RFX8: variants seen among roughly 807,000 people sequenced by gnomAD.
RFX8 encodes the protein DNA-binding protein RFX8.
Under a neutral mutation model 54.6 loss-of-function variants are expected in RFX8, and 46 were observed. The observed-to-expected ratio is 0.84, with a 90% CI of 0.67 to 1.08. The LOEUF is 1.08. Ranked by LOEUF, RFX8 falls within the 50% of genes least tolerant of loss-of-function variation. The probability of loss-of-function intolerance (pLI) is 0.00; values close to 1 mark genes in which losing one functional copy is unlikely to be tolerated. For synonymous variants in RFX8, 192 were observed against 209.5 expected (o/e 0.92, Z 0.72); for missense variants, 536 against 562.3 (o/e 0.95, Z 0.47).
intron 9 of RFX8, among the ~76,000 whole-genome samples, chr2:101,408,275 G>T (rs978642245): frequency 6.6e-6 from 1 of 152,094 alleles, no homozygotes; most frequent in African/African-American, 2.4e-5. Context: ...CACGAGGTCA[G>T]GAGATGGAGA....
intron 2 of RFX8, among the ~76,000 whole-genome samples, chr2:101,457,061 T>C (rs1247604061): frequency 6.6e-6 from 1 of 152,212 alleles, no homozygotes; most frequent in Non-Finnish European, 1.5e-5. Flanking sequence ...ATCCCCTTTA[T>C]CATTGTTTAT....
intron 2 of RFX8, among the ~76,000 whole-genome samples, chr2:101,449,130 T>A (rs1217139302): frequency 6.6e-6 from 1 of 152,114 alleles, no homozygotes; most frequent in East Asian, 1.9e-4. Context: ...ATTTGATATG[T>A]TCAGGGAAAA....
chr2:101,470,152 G>C (rs1213562329), intron 1 of RFX8, among the ~76,000 whole-genome samples: 2 of 152,150 alleles, frequency 1.3e-5, no homozygotes, highest in Non-Finnish European at 2.9e-5. Flanking sequence ...CCCGGGCTTT[G>C]AACCTCAAAG....
At chr2:101,413,113 C>T (rs892427790) in intron 7 of RFX8, 42 bp from the exon 8 acceptor site, 1 of 1,516,230 alleles carries the variant, frequency 6.6e-7, no homozygotes, top group African/African-American at 1.4e-5. Flanking sequence ...TCAATCTGGT[C>T]ATTTTATTTT....
intron 9 of RFX8, among the ~76,000 whole-genome samples, chr2:101,408,190 T>C (rs1160413547): frequency 6.6e-6 from 1 of 152,070 alleles, no homozygotes; most frequent in African/African-American, 2.4e-5. Context: ...TTCATCTGAT[T>C]AAAGCTGGAG....
Position 101,406,011 on chromosome 2 carries a change from T to C in RFX8, c.860A>G (p.Gln287Arg), listed in dbSNP as rs1164301403. Residue 287 changes from glutamine to arginine, a missense_variant, in exon 10 of 12, where the codon CAG (glutamine) becomes CGG (arginine). Physicochemically the swap from Gln to Arg is conservative, Grantham distance 43. Coordinates refer to ENST00000428343, the MANE Select transcript of RFX8 (RefSeq NM_001145664.2). ...AGTGAGAAGAAGATTCCATCTCAGC[T>C]GGAAGCTGGCGGCCAATTTGGTAAA... ...EEFTKLAASF[Q>R]LRWNLLLTAV... 4 of 1,549,184 alleles carry C rather than the reference T, an allele frequency of 2.6e-6. No homozygotes were observed. Among genetic ancestry groups the C allele is most frequent in the Non-Finnish European group, 3.5e-6 (4 of 1,145,960 alleles).
rs533405256 is a variant in RFX8 at position 101,397,470 on chromosome 2, A to G, written c.*78T>C. 11 of 942,856 alleles carry G rather than the reference A, an allele frequency of 1.2e-5. No homozygotes were observed. The South Asian group carries it at 1.4e-4, about 12-fold the overall frequency. The allele number at this position is 942,856 out of a possible 1,614,324, so 58.4% of individuals were successfully genotyped here. Reference sequence around the variant, plus strand: ...ATATACATAACATCATCTTTCGTCAATAGAAAAACTTTAGTATTTAATATT... The same window carrying G: ...ATATACATAACATCATCTTTCGTCAGTAGAAAAACTTTAGTATTTAATATT... On this transcript the variant is annotated 3_prime_UTR_variant, in exon 12 of 12. Transcript: ENST00000428343.
At chr2:101,410,924 C>T (rs770442603) in intron 8 of RFX8, among the ~76,000 whole-genome samples, 1 of 152,180 alleles carries the variant, frequency 6.6e-6, no homozygotes, top group African/African-American at 2.4e-5. Context: ...ATGGACATAC[C>T]TGTTGTGAGC....
chr2:101,440,038 C>T (rs1325714720), intron 2 of RFX8, among the ~76,000 whole-genome samples: 1 of 151,772 alleles, frequency 6.6e-6, no homozygotes. Flanking sequence ...TTTGTTTGAG[C>T]AATTTGCTTT....
At chr2:101,401,631 A>G (rs1486212154) in intron 11 of RFX8, among the ~76,000 whole-genome samples, 1 of 152,198 alleles carries the variant, frequency 6.6e-6, no homozygotes, top group Non-Finnish European at 1.5e-5. Flanking sequence ...TTTTTTAACC[A>G]GCCCACTCCC....
intron 2 of RFX8, among the ~76,000 whole-genome samples, chr2:101,440,200 G>A (rs143106282): frequency 1.4e-4 from 21 of 152,150 alleles, no homozygotes; most frequent in Admixed American, 2.0e-4. Context: ...CATATCCACA[G>A]GGTTATGCAG....
intron 2 of RFX8, chr2:101,428,814 A>T: frequency 1.6e-6 from 1 of 608,436 alleles, no homozygotes. Flanking sequence ...GGCACTGAAC[A>T]TTCATGGTCA....
At chr2:101,404,884 A>G (rs1039564785) in intron 10 of RFX8, among the ~76,000 whole-genome samples, 3 of 152,164 alleles carry the variant, frequency 2.0e-5, no homozygotes, top group African/African-American at 7.2e-5. Flanking sequence ...AGCAGCCCTC[A>G]GGAGCTCCAG....
chr2:101,405,629 C>T (rs1438090725), intron 10 of RFX8, among the ~76,000 whole-genome samples: 1 of 152,078 alleles, frequency 6.6e-6, no homozygotes, highest in Non-Finnish European at 1.5e-5. Context: ...CCATTTTGTT[C>T]TCCATCTCAG....
chr2:101,426,669 C>G (rs911013927), intron 2 of RFX8, among the ~76,000 whole-genome samples: 4 of 152,172 alleles, frequency 2.6e-5, no homozygotes, highest in African/African-American at 9.7e-5. Flanking sequence ...AGAAATGTCA[C>G]TGGAGTTACA....
At chr2:101,426,355 A>G (rs1252689977) in intron 2 of RFX8, among the ~76,000 whole-genome samples, 1 of 151,844 alleles carries the variant, frequency 6.6e-6, no homozygotes, top group East Asian at 1.9e-4. Flanking sequence ...AAAAAAAAAC[A>G]AAAACACAAA....
At chr2:101,469,822 A>C (rs1336851206) in intron 1 of RFX8, among the ~76,000 whole-genome samples, 3 of 152,108 alleles carry the variant, frequency 2.0e-5, no homozygotes, top group Non-Finnish European at 4.4e-5. Context: ...AATACTCTTA[A>C]TAAGAATAAT....
rs528502798 is a variant in RFX8 at position 101,431,102 on chromosome 2, C to T, written c.73-8630G>A. ...TATGAATACACTGAGCTCCATCCAT[C>T]CATTCATTCATCCATCCATCCATCC... is the stretch of plus-strand genomic sequence containing the variant. On this transcript the variant is annotated intron_variant, in intron 2 of 11. Transcript: ENST00000428343. Among the ~76,000 whole-genome samples, 30 of 133,074 alleles carry T rather than the reference C, an allele frequency of 2.3e-4. No homozygotes were observed. In the South Asian group the frequency reaches 7.3e-3, roughly 32 times the overall value. 87.3% of individuals were successfully genotyped at this position (133,074 alleles called of 152,430 possible).
chr2:101,448,110 G>T (rs1402697438), intron 2 of RFX8, among the ~76,000 whole-genome samples: 1 of 152,174 alleles, frequency 6.6e-6, no homozygotes, highest in East Asian at 1.9e-4. Context: ...TCTTGGAAAG[G>T]CCCCACCTCT....
Sources: gnomAD v4.1 joint callset for allele counts (sites outside exome capture counted in the v4.1 genomes callset) on GRCh38, gnomAD v4.1.1 for gene constraint, MANE v1.5 for transcripts, NCBI Gene and HGNC (gene_info 2026-07-23, HGNC 2026-07-21) for gene names.